Variants in ABCA13 observed in about 807,000 individuals in gnomAD.
ABCA13 encodes ATP-binding cassette sub-family A member 13.
In ABCA13, 476 loss-of-function variants were observed where a neutral mutation model predicts 478.7. The observed-to-expected ratio is 0.99, with a 90% CI of 0.92 to 1.07. The LOEUF is 1.07. ABCA13 is among the 50% of genes least tolerant of loss of function. The pLI is 0.00. For synonymous variants in ABCA13, 2,252 were observed against 2,158.9 expected (o/e 1.04, Z -1.20); for missense variants, 6,060 against 5,910.6 (o/e 1.03, Z -0.83).
chr7:48,595,889 G>A (rs1790239182), intron 58 of ABCA13, among the ~76,000 whole-genome samples: 1 of 152,088 alleles, frequency 6.6e-6, no homozygotes, highest in African/African-American at 2.4e-5. Flanking sequence ...GGAACACAAG[G>A]GACCCATGGA....
chr7:48,392,754 G>C (rs775545934), intron 38 of ABCA13, among the ~76,000 whole-genome samples: 2 of 152,132 alleles, frequency 1.3e-5, no homozygotes, highest in African/African-American at 2.4e-5. Flanking sequence ...TAGGCAAGAG[G>C]TGGTGACAGC....
chr7:48,278,831 C>T lies in ABCA13; in HGVS notation c.7637C>T (p.Ser2546Phe), dbSNP rs749501336. ...ACAGTTTTTAAAACTCATTTTATCT[C>T]CAATACCAAGGACAGTGTGAAATTC... ...MSTVFKTHFISNTKDSVKFFD... is the reference protein window; with the variant it reads ...MSTVFKTHFIFNTKDSVKFFD... The change falls in exon 18 of 62, where the codon TCC (serine) becomes TTC (phenylalanine). Residue 2546 changes from serine to phenylalanine, a missense_variant. Ser to Phe is a radical substitution (Grantham distance 155, BLOSUM62 -2). Around this residue, in one of 3 missense-constraint regions of ABCA13, gnomAD observed 4,423 missense variants for 4,309.1 expected, o/e 1.03. Transcript: ENST00000435803. The T allele has an allele frequency of 1.2e-6, 2 of 1,613,740 alleles. No homozygotes were observed. The highest frequency in any genetic ancestry group is 2.2e-5 in the South Asian group (2 of 91,088).
At chr7:48,441,952 G>A (rs1222787202) in intron 42 of ABCA13, among the ~76,000 whole-genome samples, 1 of 152,222 alleles carries the variant, frequency 6.6e-6, no homozygotes, top group African/African-American at 2.4e-5. Flanking sequence ...AAAGAACTGT[G>A]TGCTAAATGT....
chr7:48,564,691 A>C (rs1786848745), intron 55 of ABCA13, among the ~76,000 whole-genome samples: 1 of 151,926 alleles, frequency 6.6e-6, no homozygotes, highest in African/African-American at 2.4e-5. Flanking sequence ...TTAAAAAGTT[A>C]AATAGATTAG....
chr7:48,456,689 T>C (rs1346327468), intron 43 of ABCA13, among the ~76,000 whole-genome samples: 2 of 152,188 alleles, frequency 1.3e-5, no homozygotes, highest in Non-Finnish European at 2.9e-5. Context: ...TACAACCACT[T>C]TACTCATGAA....
chr7:48,410,714 A>G (rs762091865), intron 40 of ABCA13, 37 bp downstream of exon 40: 6 of 1,585,224 alleles, frequency 3.8e-6, no homozygotes, highest in Admixed American at 3.5e-5. Flanking sequence ...CTGAAGTCCC[A>G]TTTCTGTCTG....
chr7:48,351,489 AG>A (rs1563102140), intron 30 of ABCA13, among the ~76,000 whole-genome samples: 1 of 152,188 alleles, frequency 6.6e-6, no homozygotes, highest in Admixed American at 6.5e-5. Context: ...AATCTTCTCT[AG>A]GCCCCTCTCA....
chr7:48,363,498 G>T (rs1811203997), intron 31 of ABCA13, among the ~76,000 whole-genome samples: 1 of 150,642 alleles, frequency 6.6e-6, no homozygotes, highest in African/African-American at 2.4e-5. Context: ...TTTTAATGGA[G>T]ACTCTTGATG....
chr7:48,402,635 T>A (rs967627110), intron 38 of ABCA13, among the ~76,000 whole-genome samples: 3 of 152,226 alleles, frequency 2.0e-5, no homozygotes, highest in Admixed American at 6.5e-5. Context: ...GGATGGGAAG[T>A]ATTTACATTA....
chr7:48,402,458 G>T (rs367599498), intron 38 of ABCA13, among the ~76,000 whole-genome samples: 6 of 152,272 alleles, frequency 3.9e-5, no homozygotes, highest in East Asian at 3.9e-4. Context: ...TTCCAATAGG[G>T]TGTTGTCCAC....
At chr7:48,411,854 G>A (rs749742403) in intron 40 of ABCA13, among the ~76,000 whole-genome samples, 2 of 152,144 alleles carry the variant, frequency 1.3e-5, no homozygotes, top group East Asian at 1.9e-4. Context: ...GGTGGCCCAC[G>A]AAAAGTCTTC....
intron 35 of ABCA13, among the ~76,000 whole-genome samples, chr7:48,382,546 T>C (rs368847654): frequency 1.9e-4 from 29 of 152,276 alleles, no homozygotes; most frequent in African/African-American, 6.7e-4. Context: ...CTACAAATAA[T>C]TTGGGGGACA....
chr7:48,529,129 T>A (rs964620168), intron 55 of ABCA13, among the ~76,000 whole-genome samples: 1 of 152,186 alleles, frequency 6.6e-6, no homozygotes, highest in Non-Finnish European at 1.5e-5. Context: ...TTTCCCCTGC[T>A]CTGATCAGGA....
intron 59 of ABCA13, among the ~76,000 whole-genome samples, chr7:48,638,802 C>T (rs1280975847): frequency 6.6e-6 from 1 of 152,166 alleles, no homozygotes; most frequent in African/African-American, 2.4e-5. Context: ...GGTATCCATT[C>T]TAGTCCATGT....
intron 30 of ABCA13, among the ~76,000 whole-genome samples, 156 bp from the exon 31 acceptor site, chr7:48,352,025 C>T (rs1809086016): frequency 6.6e-6 from 1 of 152,194 alleles, no homozygotes; most frequent in African/African-American, 2.4e-5. Flanking sequence ...GACTGAAAGT[C>T]AGCTTTGCCA....
intron 43 of ABCA13, among the ~76,000 whole-genome samples, chr7:48,463,988 C>A (rs1482782309): frequency 1.3e-5 from 2 of 152,082 alleles, no homozygotes; most frequent in Non-Finnish European, 2.9e-5. Flanking sequence ...ACCAGGAAGG[C>A]CCATTAGGAG....
At chr7:48,250,672 T>A (rs1012535321) in intron 15 of ABCA13, among the ~76,000 whole-genome samples, 8 of 152,288 alleles carry the variant, frequency 5.3e-5, no homozygotes, top group Admixed American at 2.0e-4. Context: ...AAAATATAAA[T>A]ATTACAAACT....
intron 15 of ABCA13, among the ~76,000 whole-genome samples, chr7:48,251,478 G>A (rs996805735): frequency 6.6e-6 from 1 of 152,110 alleles, no homozygotes; most frequent in African/African-American, 2.4e-5. Context: ...GGTCTCAAAA[G>A]TATTAAGCAT....
In ABCA13 at chr7:48,646,349, T is replaced by C. The variant is rs1795433994; in HGVS notation, c.*837T>C. ...CCATATTAGCTGCATTGCCATCTTC[T>C]GGGAGCTTGCAAGAAATGTACATTC... On this transcript the variant is annotated 3_prime_UTR_variant, in exon 62 of 62. Coordinates refer to ENST00000435803, the MANE Select transcript of ABCA13 (RefSeq NM_152701.5). The C allele has an allele frequency of 6.6e-6, 1 of 152,178 alleles. No homozygotes were observed. The highest frequency in any genetic ancestry group is 2.4e-5 in the African/African-American group (1 of 41,440). 9.4% of individuals were successfully genotyped at this position (152,178 alleles called of 1,614,324 possible).
Sources: allele counts gnomAD v4.1 joint callset (sites outside exome capture counted in the v4.1 genomes callset), GRCh38; gene constraint gnomAD v4.1.1; regional missense constraint gnomAD v4.1.1; transcripts MANE v1.5; gene names NCBI Gene and HGNC (gene_info 2026-07-23, HGNC 2026-07-21).